Variants in SP4 observed in about 807,000 individuals in gnomAD.
The protein encoded by SP4 is transcription factor Sp4.
SP4 carries 19 observed loss-of-function variants against 72.8 expected under a neutral mutation model. The ratio of observed to expected loss-of-function variants is 0.26; its 90% CI spans 0.18 to 0.38. SP4 has a LOEUF of 0.38. SP4 is among the 10% of genes least tolerant of loss of function. SP4 has a pLI of 1.00. For missense variants in SP4, 1,008 were observed against 926.3 expected (o/e 1.09, Z -1.14); for synonymous variants, 395 against 333.1 (o/e 1.19, Z -2.02).
intron 5 of SP4, among the ~76,000 whole-genome samples, chr7:21,502,294 A>T (rs1275135868): frequency 1.4e-4 from 21 of 151,942 alleles, no homozygotes. Flanking sequence ...CCATTGCCTG[A>T]CTCAACCTGT....
chr7:21,505,090 C>T (rs1417624025), intron 5 of SP4, among the ~76,000 whole-genome samples: 1 of 152,200 alleles, frequency 6.6e-6, no homozygotes, highest in African/African-American at 2.4e-5. Context: ...GGATTGGGTT[C>T]TTCTTTTAGT....
intron 3 of SP4, among the ~76,000 whole-genome samples, chr7:21,457,207 TA>T (rs1213160846): frequency 6.6e-5 from 10 of 152,240 alleles, no homozygotes. Flanking sequence ...AGGAGAATGA[TA>T]AAGAATAATC....
chr7:21,440,830 A>G (rs1783217709), intron 3 of SP4, among the ~76,000 whole-genome samples: 2 of 152,128 alleles, frequency 1.3e-5, no homozygotes, highest in African/African-American at 4.8e-5. Flanking sequence ...AGTCTGGGCA[A>G]CAGAACGGGA....
At chr7:21,449,674 G>C (rs1048014826) in intron 3 of SP4, among the ~76,000 whole-genome samples, 1 of 152,062 alleles carries the variant, frequency 6.6e-6, no homozygotes, top group Non-Finnish European at 1.5e-5. Flanking sequence ...TCCCTTTACA[G>C]ATCATCTTTG....
intron 4 of SP4, among the ~76,000 whole-genome samples, chr7:21,481,671 A>G (rs908456350): frequency 6.6e-6 from 1 of 152,198 alleles, no homozygotes; most frequent in Admixed American, 6.5e-5. Flanking sequence ...AGAGCCCACT[A>G]TGACCAGGAA....
At chr7:21,489,926 T>C (rs1007275430) in intron 5 of SP4, among the ~76,000 whole-genome samples, 2 of 152,046 alleles carry the variant, frequency 1.3e-5, no homozygotes, top group Admixed American at 1.3e-4. Flanking sequence ...GCTGGGATTA[T>C]AGGTGTGAGC....
intron 5 of SP4, among the ~76,000 whole-genome samples, chr7:21,494,133 C>A (rs181765306): frequency 1.4e-4 from 21 of 152,242 alleles, no homozygotes; most frequent in Admixed American, 8.5e-4. Flanking sequence ...AAGGAAACAT[C>A]ATTAACTGGG....
chr7:21,477,867 T>C (rs1377993222), intron 4 of SP4, among the ~76,000 whole-genome samples: 1 of 152,170 alleles, frequency 6.6e-6, no homozygotes, highest in Non-Finnish European at 1.5e-5. Flanking sequence ...ATAAAATATT[T>C]ACGTAACTTT....
At chr7:21,508,231 A>G (rs1782054601) in intron 5 of SP4, among the ~76,000 whole-genome samples, 1 of 152,182 alleles carries the variant, frequency 6.6e-6, no homozygotes, top group South Asian at 2.1e-4. Context: ...ACAGGCCCCC[A>G]GGTTTGTGAG....
At chr7:21,472,447 C>T (rs978276071) in intron 3 of SP4, among the ~76,000 whole-genome samples, 1 of 151,996 alleles carries the variant, frequency 6.6e-6, no homozygotes. Flanking sequence ...CACATGCCAC[C>T]ATGCCTGGCT....
intron 3 of SP4, among the ~76,000 whole-genome samples, chr7:21,461,159 C>T (rs1215745063): frequency 6.6e-6 from 1 of 152,236 alleles, no homozygotes; most frequent in Non-Finnish European, 1.5e-5. Context: ...ACCAGGGCTG[C>T]AGGTGGAGCT....
intron 5 of SP4, among the ~76,000 whole-genome samples, chr7:21,485,780 G>T (rs1784798173): frequency 6.6e-6 from 1 of 151,884 alleles, no homozygotes; most frequent in South Asian, 2.1e-4. Flanking sequence ...AAGTTTTTAA[G>T]AACAATGTGA....
chr7:21,442,217 T>G (rs1344340876), intron 3 of SP4, among the ~76,000 whole-genome samples: 1 of 151,948 alleles, frequency 6.6e-6, no homozygotes, highest in East Asian at 1.9e-4. Context: ...TTTTGTATTT[T>G]TAGCAGAGAG....
chr7:21,454,691 T>G (rs59497715), intron 3 of SP4, among the ~76,000 whole-genome samples: 35,337 of 152,080 alleles, frequency 0.23, 4,205 homozygotes, highest in Middle Eastern at 0.44. Flanking sequence ...AGATTTTTAC[T>G]AAGGCTTTTC....
At chr7:21,509,850 A>G (rs2128417852) in intron 5 of SP4, among the ~76,000 whole-genome samples, 1 of 152,350 alleles carries the variant, frequency 6.6e-6, no homozygotes, top group East Asian at 1.9e-4. Context: ...TGATAAAGAC[A>G]TACCTAGACT....
intron 5 of SP4, among the ~76,000 whole-genome samples, chr7:21,507,342 C>G (rs1007398253): frequency 1.3e-5 from 2 of 152,194 alleles, no homozygotes; most frequent in African/African-American, 4.8e-5. Flanking sequence ...TTACAGTGTT[C>G]TTTTCTTAAA....
At chr7:21,439,917 C>T (rs1442858969) in intron 3 of SP4, among the ~76,000 whole-genome samples, 2 of 152,104 alleles carry the variant, frequency 1.3e-5, no homozygotes, top group African/African-American at 2.4e-5. Flanking sequence ...ATATGTCTCT[C>T]TGTATGTAAA....
At chr7:21,467,736 A>G (rs1451904443) in intron 3 of SP4, among the ~76,000 whole-genome samples, 1 of 152,150 alleles carries the variant, frequency 6.6e-6, no homozygotes, top group African/African-American at 2.4e-5. Flanking sequence ...AAGGAAGTCA[A>G]TCTAGGTAGG....
chr7:21,476,715 AT>A (rs1269948114), intron 3 of SP4, among the ~76,000 whole-genome samples: 54 of 152,318 alleles, frequency 3.5e-4, no homozygotes, highest in African/African-American at 1.3e-3. Context: ...TTGTGTTTAT[AT>A]AACATCTTTT....
Sources: allele counts gnomAD v4.1 joint callset (sites outside exome capture counted in the v4.1 genomes callset), GRCh38; gene constraint gnomAD v4.1.1; transcripts MANE v1.5; gene names NCBI Gene and HGNC (gene_info 2026-07-23, HGNC 2026-07-21).